PPP1R13B: variants seen among roughly 807,000 people sequenced by gnomAD.
PPP1R13B encodes the protein apoptosis-stimulating of p53 protein 1.
Under a neutral mutation model 119.8 loss-of-function variants are expected in PPP1R13B, and 44 were observed. The ratio of observed to expected loss-of-function variants is 0.37; its 90% CI spans 0.29 to 0.47. The LOEUF (loss-of-function observed/expected upper bound fraction) is 0.47, where lower values mean the gene tolerates loss of function less well. Among genes scored for constraint, PPP1R13B ranks in the 20% least tolerant of loss-of-function variants. The pLI is 0.99. For synonymous variants in PPP1R13B, 542 were observed against 561.5 expected (o/e 0.97, Z 0.49); for missense variants, 1,227 against 1,413.5 (o/e 0.87, Z 2.12).
At chr14:103,798,505 T>A (rs2085816046) in intron 1 of PPP1R13B, among the ~76,000 whole-genome samples, 1 of 151,896 alleles carries the variant, frequency 6.6e-6, no homozygotes, top group Non-Finnish European at 1.5e-5. Flanking sequence ...TTGCAACTCA[T>A]ATTACAAATA....
Position 103,837,666 on chromosome 14 carries a change from C to A in PPP1R13B, c.9+9633G>T, listed in dbSNP as rs151183448. ...AACTGGATCTTTCTCTTCTTCAGGT[C>A]CTCAAGTCAGGCCTACAACAATTTG... On this transcript the variant is annotated intron_variant, in intron 1 of 16. Transcript: ENST00000202556. Among the ~76,000 whole-genome samples, 131 of 152,236 alleles carry A rather than the reference C, an allele frequency of 8.6e-4. 1 individual carries two copies. The highest frequency in any genetic ancestry group is 3.1e-3 in the African/African-American group (127 of 41,556).
At chr14:103,762,431 C>G (rs1237296911) in intron 4 of PPP1R13B, among the ~76,000 whole-genome samples, 2 of 124,978 alleles carry the variant, frequency 1.6e-5, no homozygotes, top group Non-Finnish European at 3.1e-5. Flanking sequence ...AAGAACATCT[C>G]ACATCGGGGT....
At chr14:103,765,708 C>T (rs1291124883) in intron 4 of PPP1R13B, among the ~76,000 whole-genome samples, 1 of 152,194 alleles carries the variant, frequency 6.6e-6, no homozygotes, top group Non-Finnish European at 1.5e-5. Flanking sequence ...TAAACTCTGC[C>T]TATCACTTAA....
chr14:103,733,670 A>C lies in PPP1R13B; in HGVS notation c.*1484T>G, dbSNP rs1030836980. 1 of 152,714 alleles carries C rather than the reference A, an allele frequency of 6.5e-6. No individual in the cohort carries two copies. Among genetic ancestry groups the C allele is most frequent in the Middle Eastern group, 3.4e-3 (1 of 294 alleles). 9.5% of individuals were successfully genotyped at this position (152,714 alleles called of 1,614,324 possible). A position where few individuals can be genotyped will look rare whatever the true frequency, so the allele number is the denominator to read the frequency against. On this transcript the variant is annotated 3_prime_UTR_variant, in exon 17 of 17. Coordinates refer to ENST00000202556, the MANE Select transcript of PPP1R13B (RefSeq NM_015316.3). Reference sequence around the variant, plus strand: ...TAAAAACTATTTTGAACATACGGACAAGGCCTCGCCTTCCTGTGTCCAGAT... The same window carrying C: ...TAAAAACTATTTTGAACATACGGACCAGGCCTCGCCTTCCTGTGTCCAGAT...
chr14:103,766,198 T>C (rs1304433351), intron 4 of PPP1R13B, among the ~76,000 whole-genome samples: 1 of 151,922 alleles, frequency 6.6e-6, no homozygotes, highest in Non-Finnish European at 1.5e-5. Context: ...TTAGTAGAGA[T>C]GGGGTTTCAC....
chr14:103,779,839 A>G (rs996331373), intron 3 of PPP1R13B, among the ~76,000 whole-genome samples: 12 of 152,140 alleles, frequency 7.9e-5, no homozygotes, highest in Admixed American at 5.2e-4. Context: ...GAGGAAAAAA[A>G]AGAAAAAAAT....
At chr14:103,807,820 C>G (rs2086054201) in intron 1 of PPP1R13B, among the ~76,000 whole-genome samples, 1 of 152,014 alleles carries the variant, frequency 6.6e-6, no homozygotes, top group African/African-American at 2.4e-5. Context: ...TAGTAGGTTT[C>G]TTGAATCATG....
intron 1 of PPP1R13B, among the ~76,000 whole-genome samples, chr14:103,828,317 C>T (rs1243188852): frequency 5.5e-5 from 8 of 145,000 alleles, no homozygotes; most frequent in Admixed American, 5.0e-4. Context: ...TGCAGTGAGC[C>T]GAGATCACAC....
intron 2 of PPP1R13B, among the ~76,000 whole-genome samples, chr14:103,789,331 G>GCCA (rs2085554728): frequency 6.6e-6 from 1 of 151,946 alleles, no homozygotes; most frequent in Non-Finnish European, 1.5e-5. Flanking sequence ...CGATTCTCCT[G>GCCA]CCTCAGCCTC....
chr14:103,807,079 C>G (rs1165197992), intron 1 of PPP1R13B, among the ~76,000 whole-genome samples: 1 of 152,230 alleles, frequency 6.6e-6, no homozygotes, highest in Non-Finnish European at 1.5e-5. Flanking sequence ...TCAGTGCTTA[C>G]CACACTCTTC....
At position 103,770,856 on chromosome 14, in the gene PPP1R13B, C is replaced by A. The variant is rs8005424; in HGVS notation, c.354+7889G>T. Among the ~76,000 whole-genome samples, 920 of 152,244 alleles carry A rather than the reference C, an allele frequency of 6.0e-3. 13 individuals carry two copies. The highest frequency in any genetic ancestry group is 0.021 in the African/African-American group (884 of 41,530). On this transcript the variant is annotated intron_variant, in intron 4 of 16. Coordinates refer to ENST00000202556, the MANE Select transcript of PPP1R13B (RefSeq NM_015316.3). ...ACCAAAAATAAAGAGAAACCAGAAA[C>A]CTTGGGCAATAATAAAAGAACTCCA...
At chr14:103,754,870 C>G (rs978511220) in intron 5 of PPP1R13B, among the ~76,000 whole-genome samples, 1 of 151,848 alleles carries the variant, frequency 6.6e-6, no homozygotes, top group Non-Finnish European at 1.5e-5. Flanking sequence ...AGCTCTGCCT[C>G]CCGGGTTCAC....
intron 11 of PPP1R13B, among the ~76,000 whole-genome samples, chr14:103,741,569 A>T (rs2084258882): frequency 6.6e-6 from 1 of 152,230 alleles, no homozygotes; most frequent in Non-Finnish European, 1.5e-5. Context: ...CTGCTCAGAC[A>T]GGAAGTCAGA....
chr14:103,742,832 G>T lies in PPP1R13B; in HGVS notation c.1151-9C>A. 6.2e-7 allele frequency: 1 copy of T among 1,613,582 alleles called. No individual in the cohort carries two copies. The highest frequency in any genetic ancestry group is 8.5e-7 in the Non-Finnish European group (1 of 1,179,856). ...CCAGTTTCCATCATTAGCTTGAAAA[G>T]AACACAGAACTTACGTAAAACTTTT... On this transcript the variant is annotated splice_polypyrimidine_tract_variant and intron_variant, in intron 9 of 16. Transcript: ENST00000202556. This position sits in a 1 kb window ranked among gnomAD's most constrained non-coding sequence, Gnocchi z 4.9.
chr14:103,798,989 G>A (rs190513138), intron 1 of PPP1R13B, among the ~76,000 whole-genome samples: 1,914 of 119,952 alleles, frequency 0.016, 40 homozygotes, highest in African/African-American at 0.06. Context: ...TACACCTGGT[G>A]TTTTTTTGTT....
At chr14:103,834,624 CTT>C (rs962856653) in intron 1 of PPP1R13B, among the ~76,000 whole-genome samples, 1 of 109,452 alleles carries the variant, frequency 9.1e-6, no homozygotes, top group Non-Finnish European at 1.7e-5. Flanking sequence ...GAGTTTCGCT[CTT>C]GTTGCCCAGG....
At chr14:103,761,091 C>T (rs969281009) in intron 4 of PPP1R13B, among the ~76,000 whole-genome samples, 3 of 151,438 alleles carry the variant, frequency 2.0e-5, no homozygotes, top group Admixed American at 6.6e-5. Flanking sequence ...CTGGACAACA[C>T]GGTGAAACCT....
chr14:103,798,862 G>GT (rs1567132772), intron 1 of PPP1R13B, among the ~76,000 whole-genome samples: 1 of 151,872 alleles, frequency 6.6e-6, no homozygotes, highest in Non-Finnish European at 1.5e-5. Context: ...GTTAATTTTT[G>GT]TATTTTCTGT....
At chr14:103,737,523 C>T in intron 15 of PPP1R13B, 171 bp downstream of exon 15, 1 of 830,908 alleles carries the variant, frequency 1.2e-6, no homozygotes, top group Non-Finnish European at 1.8e-6. Context: ...CTGCAGTGAG[C>T]CATGATTGCG....
Sources: allele counts gnomAD v4.1 joint callset (sites outside exome capture counted in the v4.1 genomes callset), GRCh38; gene constraint gnomAD v4.1.1; non-coding constraint Gnocchi (gnomAD v3.1); transcripts MANE v1.5; gene names NCBI Gene and HGNC (gene_info 2026-07-23, HGNC 2026-07-21).